Variants in NUAK1 observed in about 807,000 individuals in gnomAD.
NUAK1 encodes NUAK family kinase 1, also known as NUAK family SNF1-like kinase 1.
Under a neutral mutation model 56.9 loss-of-function variants are expected in NUAK1, and 26 were observed. That is an observed-to-expected ratio of 0.46 (90% CI 0.33 to 0.63). The LOEUF (loss-of-function observed/expected upper bound fraction) is 0.63, where lower values mean the gene tolerates loss of function less well. Among genes scored for constraint, NUAK1 ranks in the 30% least tolerant of loss-of-function variants. The pLI is 0.02. For synonymous variants in NUAK1, 337 were observed against 336.0 expected, an observed-to-expected ratio of 1.00 and a Z score of -0.03; for missense variants, 727 against 876.1, an observed-to-expected ratio of 0.83 and a Z score of 2.15.
intron 1 of NUAK1, among the ~76,000 whole-genome samples, chr12:106,127,483 AC>A (rs2033035006): frequency 6.6e-6 from 1 of 152,184 alleles, no homozygotes; most frequent in African/African-American, 2.4e-5. Context: ...TTTCTGTCTC[AC>A]ATAGAGTCTA....
chr12:106,119,200 T>G (rs2136478475), intron 1 of NUAK1, among the ~76,000 whole-genome samples: 1 of 152,340 alleles, frequency 6.6e-6, no homozygotes, highest in South Asian at 2.1e-4. Context: ...AGCTTCTTTA[T>G]GCCAAAACCA....
chr12:106,131,747 A>G (rs1317012635), intron 1 of NUAK1, among the ~76,000 whole-genome samples: 1 of 152,192 alleles, frequency 6.6e-6, no homozygotes, highest in Non-Finnish European at 1.5e-5. Context: ...TAAACCTAGA[A>G]GTGGAAATGC....
intron 2 of NUAK1, among the ~76,000 whole-genome samples, chr12:106,104,559 C>T (rs1346071951): frequency 6.6e-6 from 1 of 152,186 alleles, no homozygotes; most frequent in Non-Finnish European, 1.5e-5. Context: ...TCAGATTCAG[C>T]AGGTCCTGGG....
At chr12:106,068,844 C>T (rs533018279) in intron 6 of NUAK1, among the ~76,000 whole-genome samples, 4 of 152,306 alleles carry the variant, frequency 2.6e-5, no homozygotes, top group South Asian at 2.1e-4. Context: ...CTTATGTAAG[C>T]GAATGAGAAG....
chr12:106,086,749 C>T lies in NUAK1; in HGVS notation c.498G>A (p.Val166=), dbSNP rs2032574533. ...GCAGCCATACCTTGTGACAATAGTG[C>T]ACAGCAGAGACGATCTGCCGGAAGA... is the stretch of plus-strand genomic sequence containing the variant. ...RHFFRQIVSA[V]HYCHKNGVVH... The change falls in exon 3 of 7, where the codon GTG becomes GTA. Residue 166 remains valine (V), a synonymous_variant. Coordinates refer to ENST00000261402, the MANE Select transcript of NUAK1 (RefSeq NM_014840.3). 3 of 1,613,602 alleles carry T rather than the reference C, an allele frequency of 1.9e-6. No individual in the cohort carries two copies. Among genetic ancestry groups the T allele is most frequent in the Non-Finnish European group, 2.5e-6 (3 of 1,179,692 alleles).
At position 106,134,106 on chromosome 12, in the gene NUAK1, C is replaced by A. The variant is rs1219722929; in HGVS notation, c.240+4308G>T. ...AGAATCGGGTTTCTAAGATCCAGCTCCGTCATTCAAGACCTGTGCAACCTC... is the reference window on the plus strand; with the variant it reads ...AGAATCGGGTTTCTAAGATCCAGCTACGTCATTCAAGACCTGTGCAACCTC... On this transcript the variant is annotated intron_variant, in intron 1 of 6. Coordinates refer to ENST00000261402, the MANE Select transcript of NUAK1 (RefSeq NM_014840.3). Among the ~76,000 whole-genome samples, 3 of 152,198 alleles carry A rather than the reference C, an allele frequency of 2.0e-5. No homozygotes were observed. The East Asian group carries it at 5.8e-4, about 29-fold the overall frequency.
chr12:106,108,845 C>A (rs957597599), intron 1 of NUAK1, among the ~76,000 whole-genome samples: 7 of 152,182 alleles, frequency 4.6e-5, no homozygotes, highest in African/African-American at 1.7e-4. Flanking sequence ...CCCTAACAGT[C>A]CAGCGAGGCG....
At chr12:106,098,505 G>A (rs140750381) in intron 2 of NUAK1, among the ~76,000 whole-genome samples, 2 of 152,292 alleles carry the variant, frequency 1.3e-5, no homozygotes, top group Admixed American at 1.3e-4. Flanking sequence ...CAGAAAGCCA[G>A]GATCACCCTT....
At chr12:106,071,648 A>G (rs961934010) in intron 5 of NUAK1, among the ~76,000 whole-genome samples, 2 of 152,180 alleles carry the variant, frequency 1.3e-5, no homozygotes, top group Non-Finnish European at 2.9e-5. Flanking sequence ...GTGGCCAAAT[A>G]AAGGAGTTTG....
intron 4 of NUAK1, among the ~76,000 whole-genome samples, chr12:106,077,560 G>A (rs1435388369): frequency 6.6e-6 from 1 of 152,182 alleles, no homozygotes; most frequent in Non-Finnish European, 1.5e-5. Flanking sequence ...CTGCATCATA[G>A]GATGGGAAAA....
Position 106,063,562 on chromosome 12 carries a change from T to C in NUAK1, c.*3240A>G, listed in dbSNP as rs1277029709. 6.6e-6 allele frequency: 1 copy of C among 152,480 alleles called. No homozygotes were observed. The highest frequency in any genetic ancestry group is 1.5e-5 in the Non-Finnish European group (1 of 68,022). 9.4% of individuals were successfully genotyped at this position (152,480 alleles called of 1,614,324 possible). ...TTGCACCAATTAAATTACACCAATA[T>C]ATTATTATAATACCTTTGAAATGCC... On this transcript the variant is annotated 3_prime_UTR_variant, in exon 7 of 7. Coordinates refer to ENST00000261402, the MANE Select transcript of NUAK1 (RefSeq NM_014840.3).
At chr12:106,136,843 T>C (rs551200650) in intron 1 of NUAK1, among the ~76,000 whole-genome samples, 177 of 152,312 alleles carry the variant, frequency 1.2e-3, no homozygotes, top group Middle Eastern at 6.8e-3. Flanking sequence ...AAGAAAAGCA[T>C]GAATGAAGTG....
Position 106,138,867 on chromosome 12 carries a change from C to G in NUAK1, c.-214G>C, listed in dbSNP as rs1400913728. 3 of 539,260 alleles carry G rather than the reference C, an allele frequency of 5.6e-6. No homozygotes were observed. The highest frequency in any genetic ancestry group is 8.5e-6 in the Non-Finnish European group (3 of 353,076). The allele number at this position is 539,260 out of a possible 1,614,324, so 33.4% of individuals were successfully genotyped here. On this transcript the variant is annotated 5_prime_UTR_variant, in exon 1 of 7. Coordinates refer to ENST00000261402, the MANE Select transcript of NUAK1 (RefSeq NM_014840.3). This position sits in a 1 kb window ranked among gnomAD's most constrained non-coding sequence, Gnocchi z 5.0. ...GGCGCGCACGGTCCGCGCACCGCCC[C>G]CCGGCCGCGGCGAGCTGTGGAGCGT...
Position 106,066,929 on chromosome 12 carries a change from G to C in NUAK1, c.1859C>G (p.Pro620Arg). 1 of 1,614,130 alleles carries C rather than the reference G, an allele frequency of 6.2e-7. No individual in the cohort carries two copies. Among genetic ancestry groups the C allele is most frequent in the South Asian group, 1.1e-5 (1 of 91,090 alleles). Residue 620 changes from proline to arginine, a missense_variant, in exon 7 of 7, where the codon CCC becomes CGC. Pro to Arg is a moderately radical substitution (Grantham distance 103). Transcript: ENST00000261402. ...GTACCGCTTCAGGTACTGGGGCCGG[G>C]GCCGGTTCTGGAGCCCCTCAAAGTC... ...IQDFEGLQNR[P>R]RPQYLKRYRN...
At chr12:106,129,352 A>ATCAT (rs2136484226) in intron 1 of NUAK1, among the ~76,000 whole-genome samples, 1 of 152,336 alleles carries the variant, frequency 6.6e-6, no homozygotes, top group South Asian at 2.1e-4. Context: ...TGTTCATTCA[A>ATCAT]TCATTCATTC....
rs534320062 is a variant in NUAK1 at position 106,129,736 on chromosome 12, C to T, written c.240+8678G>A. ...AATATTACCTCTAGTTTTCAAGAGC[C>T]TACTATGCACCAGGCTCTGTGCTGG... On this transcript the variant is annotated intron_variant, in intron 1 of 6. Transcript: ENST00000261402. Among the ~76,000 whole-genome samples the T allele has an allele frequency of 6.6e-5, 10 of 152,290 alleles. No individual in the cohort carries two copies. In the East Asian group the frequency reaches 1.9e-3, roughly 29 times the overall value.
At chr12:106,099,411 T>C (rs992700444) in intron 2 of NUAK1, among the ~76,000 whole-genome samples, 1 of 152,216 alleles carries the variant, frequency 6.6e-6, no homozygotes. Context: ...TTTTCTAAAA[T>C]GCCTACAAAG....
chr12:106,068,409 A>G (rs749636400), intron 6 of NUAK1, among the ~76,000 whole-genome samples: 2 of 152,194 alleles, frequency 1.3e-5, no homozygotes, highest in Non-Finnish European at 2.9e-5. Flanking sequence ...AACACACAGC[A>G]CCTGCAGTCA....
At chr12:106,127,082 T>C (rs1399158483) in intron 1 of NUAK1, among the ~76,000 whole-genome samples, 3 of 152,264 alleles carry the variant, frequency 2.0e-5, no homozygotes, top group Non-Finnish European at 4.4e-5. Flanking sequence ...TGAGTCCTTG[T>C]GACAACCTAG....
Sources: gnomAD v4.1 joint callset for allele counts (sites outside exome capture counted in the v4.1 genomes callset) on GRCh38, gnomAD v4.1.1 for gene constraint, Gnocchi (gnomAD v3.1) non-coding constraint, MANE v1.5 for transcripts, NCBI Gene and HGNC (gene_info 2026-07-23, HGNC 2026-07-21) for gene names.